SLC9A9: variants seen among roughly 807,000 people sequenced by gnomAD.
SLC9A9 encodes the protein sodium/hydrogen exchanger 9.
Under a neutral mutation model 77.8 loss-of-function variants are expected in SLC9A9, and 62 were observed. That is an observed-to-expected ratio of 0.80 (90% CI 0.65 to 0.98). The LOEUF is 0.98. Ranked by LOEUF, SLC9A9 falls within the 50% of genes least tolerant of loss-of-function variation. The pLI is 0.00. For missense variants in SLC9A9, 775 were observed against 774.9 expected, an observed-to-expected ratio of 1.00 and a Z score of 0.00; for synonymous variants, 320 against 283.5, an observed-to-expected ratio of 1.13 and a Z score of -1.29.
At chr3:143,397,826 C>T (rs1465559991) in intron 12 of SLC9A9, among the ~76,000 whole-genome samples, 1 of 152,084 alleles carries the variant, frequency 6.6e-6, no homozygotes, top group Non-Finnish European at 1.5e-5. Context: ...AGCATATTCT[C>T]CCCATGAACA....
Position 143,606,434 on chromosome 3 carries a change from CTCTATATATATATA to C in SLC9A9, c.756-27725_756-27712del, listed in dbSNP as rs375395950. Among the ~76,000 whole-genome samples, 36 of 52,958 alleles carry C rather than the reference CTCTATATATATATA, an allele frequency of 6.8e-4. 1 individual carries two copies. Among genetic ancestry groups the C allele is most frequent in the African/African-American group, 2.6e-3 (34 of 13,100 alleles). The allele number at this position is 52,958 out of a possible 152,430, so 34.7% of individuals were successfully genotyped here. A position where few individuals can be genotyped will look rare whatever the true frequency, so the allele number is the denominator to read the frequency against. Reference sequence around the variant, plus strand: ...TCTCTCTCTCTCTCTCTCTCTCTCTCTCTATATATATATATATATATATATATGTATATAAAACC... The same window carrying C: ...TCTCTCTCTCTCTCTCTCTCTCTCTCTATATATATATATGTATATAAAACC... On this transcript the variant is annotated intron_variant, in intron 6 of 15. Transcript: ENST00000316549.
chr3:143,728,488 G>A (rs1309268907), intron 4 of SLC9A9, among the ~76,000 whole-genome samples: 1 of 152,144 alleles, frequency 6.6e-6, no homozygotes, highest in African/African-American at 2.4e-5. Flanking sequence ...GGGTGAGAGG[G>A]ATGGATCAGC....
At chr3:143,478,599 T>C (rs2035521078) in intron 11 of SLC9A9, among the ~76,000 whole-genome samples, 1 of 152,248 alleles carries the variant, frequency 6.6e-6, no homozygotes, top group Non-Finnish European at 1.5e-5. Context: ...AATTCCTTAA[T>C]GACCCTATGG....
intron 14 of SLC9A9, among the ~76,000 whole-genome samples, chr3:143,307,641 C>G (rs1001385940): frequency 2.6e-5 from 4 of 152,200 alleles, no homozygotes; most frequent in African/African-American, 9.6e-5. Flanking sequence ...GGCCCTGCAG[C>G]CTTTCTGTTC....
At chr3:143,335,495 T>C (rs1185241876) in intron 14 of SLC9A9, among the ~76,000 whole-genome samples, 1 of 152,036 alleles carries the variant, frequency 6.6e-6, no homozygotes. Context: ...AAGCTAAAGG[T>C]TTCGTAATTC....
At chr3:143,504,491 G>A (rs1468256978) in intron 9 of SLC9A9, among the ~76,000 whole-genome samples, 1 of 141,540 alleles carries the variant, frequency 7.1e-6, no homozygotes, top group African/African-American at 2.4e-5. Flanking sequence ...GGATTCTGAA[G>A]GCTTTTTTGC....
intron 4 of SLC9A9, among the ~76,000 whole-genome samples, chr3:143,733,767 A>G (rs1934869347): frequency 6.6e-6 from 1 of 151,916 alleles, no homozygotes. Context: ...TCTAGCCTTG[A>G]ACTGTAGACA....
At chr3:143,484,756 G>A (rs1398113981) in intron 11 of SLC9A9, among the ~76,000 whole-genome samples, 1 of 152,204 alleles carries the variant, frequency 6.6e-6, no homozygotes, top group African/African-American at 2.4e-5. Flanking sequence ...ATGTAGATGA[G>A]AAGTTTCTAA....
At position 143,609,794 on chromosome 3, in the gene SLC9A9, C is replaced by T. The variant is rs570641313; in HGVS notation, c.756-31071G>A. Among the ~76,000 whole-genome samples, 22 of 152,276 alleles carry T rather than the reference C, an allele frequency of 1.4e-4. No individual in the cohort carries two copies. In the South Asian group the frequency reaches 3.7e-3, roughly 26 times the overall value. ...TCCACATCGGCTCACATAGATGCATCTACCTCTCTTCAACATTTATAAATG... is the reference window on the plus strand; with the variant it reads ...TCCACATCGGCTCACATAGATGCATTTACCTCTCTTCAACATTTATAAATG... On this transcript the variant is annotated intron_variant, in intron 6 of 15. Transcript: ENST00000316549.
chr3:143,692,906 C>T (rs1166238650), intron 5 of SLC9A9, among the ~76,000 whole-genome samples: 2 of 152,138 alleles, frequency 1.3e-5, no homozygotes, highest in African/African-American at 4.8e-5. Context: ...TCTTGGGCTG[C>T]ATGCAGCCCA....
intron 2 of SLC9A9, among the ~76,000 whole-genome samples, chr3:143,806,739 G>A (rs969989189): frequency 6.7e-6 from 1 of 150,272 alleles, no homozygotes; most frequent in Admixed American, 6.6e-5. Flanking sequence ...TGTGGTGGTG[G>A]GGGGGGCAAG....
chr3:143,349,322 G>A (rs2032387032), intron 14 of SLC9A9, among the ~76,000 whole-genome samples: 1 of 152,298 alleles, frequency 6.6e-6, no homozygotes, highest in East Asian at 1.9e-4. Context: ...GTCCTGCCAG[G>A]TCAGCCCTGG....
chr3:143,373,657 A>C (rs1576455560), intron 13 of SLC9A9, among the ~76,000 whole-genome samples: 1 of 151,528 alleles, frequency 6.6e-6, no homozygotes, highest in East Asian at 1.9e-4. Flanking sequence ...TGGAACCAAG[A>C]AGTACAATAT....
chr3:143,294,420 G>C (rs2030159374), intron 14 of SLC9A9, among the ~76,000 whole-genome samples: 1 of 152,124 alleles, frequency 6.6e-6, no homozygotes, highest in African/African-American at 2.4e-5. Flanking sequence ...ATCTTGACAA[G>C]GCAAGGCACT....
At chr3:143,831,721 A>G (rs2009439755) in intron 2 of SLC9A9, among the ~76,000 whole-genome samples, 1 of 152,246 alleles carries the variant, frequency 6.6e-6, no homozygotes, top group Non-Finnish European at 1.5e-5. Context: ...AGTATCAGGA[A>G]AGGCAGAGTT....
At chr3:143,690,782 G>GA (rs375584695) in intron 5 of SLC9A9, among the ~76,000 whole-genome samples, 237 of 152,130 alleles carry the variant, frequency 1.6e-3, no homozygotes, top group African/African-American at 5.3e-3. Flanking sequence ...TAAATAAAGA[G>GA]AAAAAATGGA....
chr3:143,792,446 T>C (rs188755868), intron 4 of SLC9A9, among the ~76,000 whole-genome samples: 3 of 152,300 alleles, frequency 2.0e-5, no homozygotes, highest in Admixed American at 6.5e-5. Context: ...TCTTCCCTCA[T>C]TTTTGCCCAT....
Position 143,539,222 on chromosome 3 carries a change from C to T in SLC9A9, c.1089+13140G>A, listed in dbSNP as rs1039471540. Among the ~76,000 whole-genome samples, 8 of 152,302 alleles carry T rather than the reference C, an allele frequency of 5.3e-5. No homozygotes were observed. The South Asian group carries it at 1.0e-3, about 20-fold the overall frequency. On this transcript the variant is annotated intron_variant, in intron 9 of 15. Coordinates refer to ENST00000316549, the MANE Select transcript of SLC9A9 (RefSeq NM_173653.4). ...CCCAGAGCAATTGTATTAAGTGACT[C>T]TCCTAAAACCAAACTCTTGTTCTCA...
chr3:143,277,780 T>G (rs989703185), intron 14 of SLC9A9, among the ~76,000 whole-genome samples: 2 of 152,204 alleles, frequency 1.3e-5, no homozygotes, highest in African/African-American at 4.8e-5. Context: ...TGTGGTGACT[T>G]TGACAACAGG....
Sources: allele counts gnomAD v4.1 joint callset (sites outside exome capture counted in the v4.1 genomes callset), GRCh38; gene constraint gnomAD v4.1.1; transcripts MANE v1.5; gene names NCBI Gene and HGNC (gene_info 2026-07-23, HGNC 2026-07-21).